Variants in EFNB1 observed in about 807,000 individuals in gnomAD.
EFNB1 encodes the protein ephrin B1, also known as ephrin-B1.
In EFNB1, 1 loss-of-function variant was observed where a neutral mutation model predicts 18.1. That is an observed-to-expected ratio of 0.06 (90% CI 0.02 to 0.26). The LOEUF is 0.26. Among genes scored for constraint, EFNB1 ranks in the 10% least tolerant of loss-of-function variants. The pLI is 1.00. For missense variants in EFNB1, 221 were observed against 301.8 expected, an observed-to-expected ratio of 0.73 and a Z score of 1.98; for synonymous variants, 131 against 127.5, an observed-to-expected ratio of 1.03 and a Z score of -0.19.
Position 68,829,600 on chromosome X carries a change from G to A in EFNB1, c.-177G>A. On this transcript the variant is annotated 5_prime_UTR_variant, in exon 1 of 5. Coordinates refer to ENST00000204961, the MANE Select transcript of EFNB1 (RefSeq NM_004429.5). ...GGGCGGCTGCCCAGTGAGTCCTCCT[G>A]GCCGGCCGGGCGGAGAAGAGCGACA... The A allele has an allele frequency of 2.4e-6, 2 of 828,399 alleles. No individual in the cohort carries two copies. The highest frequency in any genetic ancestry group is 3.4e-6 in the Non-Finnish European group (2 of 588,908). The allele number at this position is 828,399 out of a possible 1,213,427, so 68.3% of individuals were successfully genotyped here.
intron 1 of EFNB1, among the ~76,000 whole-genome samples, chrX:68,831,761 G>A (rs1049058996): frequency 5.4e-5 from 6 of 110,874 alleles, no homozygotes; most frequent in African/African-American, 2.0e-4. Context: ...ATCTGTCTGT[G>A]CTTCCCCCTT....
chrX:68,839,976 G>A lies in EFNB1; in HGVS notation c.516G>A (p.Thr172=), dbSNP rs377269776. The change falls in exon 4 of 5, where the codon ACG becomes ACA. Residue 172 remains threonine (T), a synonymous_variant. Coordinates refer to ENST00000204961, the MANE Select transcript of EFNB1 (RefSeq NM_004429.5). ...MKVGQDPNAV[T]PEQLTTSRPS... is the part of the protein sequence containing the mutation. ...CATTCTTAGATCCCAATGCTGTGACGCCTGAGCAGCTGACTACCAGCAGGC... is the reference window on the plus strand; with the variant it reads ...CATTCTTAGATCCCAATGCTGTGACACCTGAGCAGCTGACTACCAGCAGGC... 10 of 1,211,711 alleles carry A rather than the reference G, an allele frequency of 8.3e-6. No individual in the cohort carries two copies. The highest frequency in any genetic ancestry group is 3.0e-5 in the East Asian group (1 of 33,840).
At chrX:68,835,198 G>C (rs1798944193) in intron 1 of EFNB1, among the ~76,000 whole-genome samples, 1 of 111,071 alleles carries the variant, frequency 9.0e-6, no homozygotes, top group Admixed American at 9.4e-5. Flanking sequence ...GTGGCGCCCT[G>C]GGGTCCCAGG....
rs1318297560 is a variant in EFNB1 at position 68,842,087 on chromosome X, ACT to A, written c.*1436_*1437del. On this transcript the variant is annotated 3_prime_UTR_variant, in exon 5 of 5. Transcript: ENST00000204961. ...AATAATGTAAAGATGTTTTGTATAA[ACT>A]CTGAATTATTTTCTTGTTGCTTTTT... The A allele has an allele frequency of 2.7e-5, 3 of 112,007 alleles. No homozygotes were observed. Among genetic ancestry groups the A allele is most frequent in the African/African-American group, 9.8e-5 (3 of 30,691 alleles). 9.2% of individuals were successfully genotyped at this position (112,007 alleles called of 1,213,427 possible).
Position 68,829,903 on chromosome X carries a change from A to C in EFNB1, c.127A>C (p.Lys43Gln). Residue 43 changes from lysine (K) to glutamine (Q), a missense_variant and splice_region_variant, in exon 1 of 5, where the codon AAG becomes CAG. By Grantham distance (53) the Lys-to-Gln change is moderately conservative. Transcript: ENST00000204961. ...EPVSWSSLNP[K>Q]FLSGKGLVIY... ...CGTATCCTGGAGCTCCCTCAACCCCAAGTGAGTAACTTATCTCCTCTGGAC... is the reference window on the plus strand; with the variant it reads ...CGTATCCTGGAGCTCCCTCAACCCCCAGTGAGTAACTTATCTCCTCTGGAC... The C allele has an allele frequency of 8.6e-7, 1 of 1,167,926 alleles. No homozygotes were observed. The highest frequency in any genetic ancestry group is 1.1e-6 in the Non-Finnish European group (1 of 873,092).
rs758554867 is a variant in EFNB1 at position 68,840,443 on chromosome X, C to T, written c.830C>T (p.Ala277Val). ...KRHRKHTQQR[A>V]AALSLSTLAS... is the part of the protein sequence containing the mutation. The stretch of plus-strand genomic sequence containing the variant: ...CACCGCAAGCACACACAGCAGCGGG[C>T]GGCTGCCCTCTCGCTCAGTACCCTG... Residue 277 changes from alanine (A) to valine (V), a missense_variant, in exon 5 of 5, where the codon GCG becomes GTG. By Grantham distance (64) the Ala-to-Val change is moderately conservative. Transcript: ENST00000204961. 16 of 1,210,509 alleles carry T rather than the reference C, an allele frequency of 1.3e-5. No homozygotes were observed. The South Asian group carries it at 1.4e-4, about 11-fold the overall frequency.
chrX:68,830,370 C>T (rs755263627), intron 1 of EFNB1, among the ~76,000 whole-genome samples: 1 of 112,845 alleles, frequency 8.9e-6, no homozygotes, highest in Non-Finnish European at 1.9e-5. Context: ...GAGCGGGACC[C>T]GGCGCTTGGG....
chrX:68,839,612 T>G (rs1399799436), intron 2 of EFNB1, 52 bp from the exon 3 acceptor site: 2 of 1,131,198 alleles, frequency 1.8e-6, no homozygotes, highest in African/African-American at 1.8e-5. Context: ...GTAATGCTAG[T>G]AGACCTTTCT....
intron 1 of EFNB1, among the ~76,000 whole-genome samples, chrX:68,830,864 CCCA>C (rs762499229): frequency 1.8e-5 from 2 of 111,885 alleles, no homozygotes; most frequent in Admixed American, 9.4e-5. Flanking sequence ...GCACAACTAC[CCCA>C]CCACCACCAC....
intron 1 of EFNB1, among the ~76,000 whole-genome samples, chrX:68,832,028 ATGTGT>A (rs1297973555): frequency 9.0e-6 from 1 of 110,708 alleles, no homozygotes. Flanking sequence ...CACTGTCTAC[ATGTGT>A]TGGCTCGGGG....
intron 1 of EFNB1, among the ~76,000 whole-genome samples, chrX:68,831,992 C>G (rs1033266346): frequency 9.0e-6 from 1 of 110,563 alleles, no homozygotes; most frequent in Non-Finnish European, 1.9e-5. Context: ...CTCCTTCCAT[C>G]CAGGCTCAGG....
chrX:68,839,080 T>C (rs1193797697), intron 2 of EFNB1, among the ~76,000 whole-genome samples, 186 bp downstream of exon 2: 1 of 112,251 alleles, frequency 8.9e-6, no homozygotes, highest in Admixed American at 9.4e-5. Context: ...GCCCCAACAT[T>C]TACCAAGCTC....
chrX:68,837,572 A>T (rs1055954727), intron 1 of EFNB1, among the ~76,000 whole-genome samples: 1 of 112,362 alleles, frequency 8.9e-6, no homozygotes, highest in African/African-American at 3.2e-5. Context: ...GAAATGGCCA[A>T]TGGAGCACCA....
intron 1 of EFNB1, among the ~76,000 whole-genome samples, chrX:68,836,152 T>C (rs1407569715): frequency 1.8e-5 from 2 of 111,973 alleles, no homozygotes; most frequent in Non-Finnish European, 3.8e-5. Context: ...CATCTGATCA[T>C]TCATTCCCTC....
intron 1 of EFNB1, among the ~76,000 whole-genome samples, chrX:68,834,346 G>C (rs1602668329): frequency 8.9e-6 from 1 of 112,493 alleles, no homozygotes; most frequent in East Asian, 2.8e-4. Flanking sequence ...TCGAGGAGGG[G>C]GGGTATTAAA....
At chrX:68,833,255 G>T (rs2147974603) in intron 1 of EFNB1, among the ~76,000 whole-genome samples, 1 of 111,532 alleles carries the variant, frequency 9.0e-6, no homozygotes, top group South Asian at 3.8e-4. Flanking sequence ...TTCCGGGGTG[G>T]TTAGGGACCT....
intron 1 of EFNB1, among the ~76,000 whole-genome samples, chrX:68,832,651 C>G (rs1247386902): frequency 8.9e-6 from 1 of 112,010 alleles, no homozygotes; most frequent in Admixed American, 9.4e-5. Context: ...GACTCCCAAG[C>G]CTCTTTCCCA....
Position 68,829,463 on chromosome X carries a change from A to G in EFNB1, c.-314A>G, listed in dbSNP as rs1308839184. Reference sequence around the variant, plus strand: ...AGCCCCGAAGCGTCTCGGGAAGTCGAGCGGAATCGGGCGGGATCACCCGGG... The same window carrying G: ...AGCCCCGAAGCGTCTCGGGAAGTCGGGCGGAATCGGGCGGGATCACCCGGG... On this transcript the variant is annotated 5_prime_UTR_variant, in exon 1 of 5. Transcript: ENST00000204961. 2.5e-5 allele frequency: 8 copies of G among 315,483 alleles called. No individual in the cohort carries two copies. Among genetic ancestry groups the G allele is most frequent in the Non-Finnish European group, 3.9e-5 (7 of 179,710 alleles). The allele number at this position is 315,483 out of a possible 1,213,427, so 26.0% of individuals were successfully genotyped here. A position where few individuals can be genotyped will look rare whatever the true frequency, so the allele number is the denominator to read the frequency against.
chrX:68,838,536 C>T, intron 1 of EFNB1, 81 bp from the exon 2 acceptor site: 1 of 1,150,339 alleles, frequency 8.7e-7, no homozygotes, highest in Non-Finnish European at 1.2e-6. Flanking sequence ...CCCAGCCCGG[C>T]TCTTGTCCGC....
Sources: allele counts gnomAD v4.1 joint callset (sites outside exome capture counted in the v4.1 genomes callset), GRCh38; gene constraint gnomAD v4.1.1; transcripts MANE v1.5; gene names NCBI Gene and HGNC (gene_info 2026-07-23, HGNC 2026-07-21).